C1orf87: variants seen among roughly 807,000 people sequenced by gnomAD.
C1orf87 encodes chromosome 1 open reading frame 87.
C1orf87 carries 58 observed loss-of-function variants against 60.5 expected under a neutral mutation model. That is an observed-to-expected ratio of 0.96 (90% CI 0.78 to 1.19). The LOEUF (loss-of-function observed/expected upper bound fraction) is 1.19. Ranked by LOEUF, C1orf87 falls within the 50% of genes most tolerant of loss-of-function variation. The probability of loss-of-function intolerance (pLI) is 0.00; values close to 1 mark genes in which losing one functional copy is unlikely to be tolerated. For synonymous variants in C1orf87, 236 were observed against 227.4 expected (o/e 1.04, Z -0.34); for missense variants, 673 against 638.6 (o/e 1.05, Z -0.58).
intron 8 of C1orf87, among the ~76,000 whole-genome samples, chr1:60,018,205 T>G (rs1046264227): frequency 2.0e-5 from 3 of 152,228 alleles, no homozygotes; most frequent in African/African-American, 7.2e-5. Context: ...CTTAAGGATA[T>G]AGGTTTGCAT....
chr1:60,025,467 T>A lies in C1orf87; in HGVS notation c.1061A>T (p.Tyr354Phe). 6.2e-7 allele frequency: 1 copy of A among 1,613,284 alleles called. No individual in the cohort carries two copies. The highest frequency in any genetic ancestry group is 8.5e-7 in the Non-Finnish European group (1 of 1,179,610). Residue 354 changes from tyrosine (Y) to phenylalanine (F), a missense_variant, in exon 8 of 12, where the codon TAT becomes TTT. Tyr to Phe is a conservative substitution (Grantham distance 22). Coordinates refer to ENST00000371201, the MANE Select transcript of C1orf87 (RefSeq NM_152377.3). ...VRAICGKHGL[Y>F]LTLSLLETLL... The stretch of plus-strand genomic sequence containing the variant: ...TGTTTCCAGCAGGCTCAGGGTCAGA[T>A]ATAATCCATGCTTCCCACATATAGC...
At position 60,055,217 on chromosome 1, in the gene C1orf87, A is replaced by G. The variant is rs748956386; in HGVS notation, c.329T>C (p.Phe110Ser). ...KLLTGANSSR[F>S]LDGNIPSQAN... The stretch of plus-strand genomic sequence containing the variant: ...TTTGTCACTCACATTGCCATCCAGG[A>G]ATCTGCTACTGTTTGCCCCTGTTAG... Residue 110 changes from phenylalanine to serine, a missense_variant, in exon 3 of 12, where the codon TTC (phenylalanine) becomes TCC (serine). Transcript: ENST00000371201. 3 of 1,612,910 alleles carry G rather than the reference A, an allele frequency of 1.9e-6. No homozygotes were observed. Among genetic ancestry groups the G allele is most frequent in the East Asian group, 4.5e-5 (2 of 44,886 alleles).
chr1:60,033,807 C>A (rs1645256649), intron 6 of C1orf87, among the ~76,000 whole-genome samples, 166 bp from the exon 7 acceptor site: 1 of 152,172 alleles, frequency 6.6e-6, no homozygotes, highest in African/African-American at 2.4e-5. Context: ...CGCATGCAGA[C>A]ATTTCATAGC....
intron 2 of C1orf87, among the ~76,000 whole-genome samples, chr1:60,064,185 T>C (rs1468833051): frequency 6.7e-6 from 1 of 150,092 alleles, no homozygotes; most frequent in Non-Finnish European, 1.5e-5. Context: ...CTTCACCTTG[T>C]GATGGCCTAT....
intron 7 of C1orf87, among the ~76,000 whole-genome samples, chr1:60,028,215 A>G (rs942753848): frequency 4.6e-5 from 7 of 152,220 alleles, no homozygotes; most frequent in African/African-American, 1.7e-4. Context: ...ATTAGAACAT[A>G]TTGATGTATT....
intron 6 of C1orf87, 54 bp from the exon 7 acceptor site, chr1:60,033,695 C>G: frequency 3.2e-6 from 5 of 1,556,654 alleles, no homozygotes; most frequent in Non-Finnish European, 2.6e-6. Flanking sequence ...CCCAAGGCAG[C>G]TGCATGCTTT....
chr1:60,024,965 G>A (rs942092181), intron 8 of C1orf87, among the ~76,000 whole-genome samples: 2 of 152,190 alleles, frequency 1.3e-5, no homozygotes, highest in South Asian at 4.1e-4. Context: ...ACTCCATCAA[G>A]TGATGAAATC....
chr1:60,039,774 G>T, intron 5 of C1orf87, 143 bp downstream of exon 5: 2 of 912,956 alleles, frequency 2.2e-6, no homozygotes, highest in Non-Finnish European at 3.3e-6. Context: ...TTCTACACAT[G>T]AATATAAATA....
chr1:60,067,023 A>G (rs611812), intron 2 of C1orf87, among the ~76,000 whole-genome samples: 117,759 of 152,120 alleles, frequency 0.77, 46,264 homozygotes, highest in South Asian at 0.85. Context: ...CCTTTTAATG[A>G]CTGCATAATA....
intron 2 of C1orf87, among the ~76,000 whole-genome samples, chr1:60,060,129 A>G (rs1645485507): frequency 6.8e-6 from 1 of 148,090 alleles, no homozygotes; most frequent in Non-Finnish European, 1.5e-5. Flanking sequence ...ACCATGTACT[A>G]TTATCATAGA....
intron 11 of C1orf87, among the ~76,000 whole-genome samples, chr1:59,994,277 A>T (rs928094032): frequency 1.3e-5 from 2 of 150,946 alleles, no homozygotes; most frequent in Non-Finnish European, 2.9e-5. Context: ...GATTAAAAAA[A>T]AAAATCAAGC....
intron 3 of C1orf87, among the ~76,000 whole-genome samples, chr1:60,046,211 TCTC>T (rs557997531): frequency 2.2e-3 from 302 of 139,710 alleles, no homozygotes; most frequent in African/African-American, 7.0e-3. Flanking sequence ...TCCTTCCCCT[TCTC>T]CTCCTCCTCC....
chr1:60,032,092 G>C (rs1645242240), intron 7 of C1orf87, among the ~76,000 whole-genome samples: 1 of 152,036 alleles, frequency 6.6e-6, no homozygotes, highest in Non-Finnish European at 1.5e-5. Flanking sequence ...CCTAGAATAA[G>C]AACTCATTTT....
Position 59,997,707 on chromosome 1 carries a change from T to C in C1orf87, c.1382A>G (p.Asn461Ser). The change falls in exon 11 of 12, where the codon AAT (asparagine) becomes AGT (serine). Residue 461 changes from asparagine (N) to serine (S), a missense_variant. Asn to Ser is a conservative substitution (Grantham distance 46). Coordinates refer to ENST00000371201, the MANE Select transcript of C1orf87 (RefSeq NM_152377.3). ...KIRPVSQPFV[N>S]PAVKNKAEEC... Reference sequence around the variant, plus strand: ...CTCAGCCTTGTTCTTCACAGCTGGATTCACGAAGGGCTGGGAGACTGGCCT... The same window carrying C: ...CTCAGCCTTGTTCTTCACAGCTGGACTCACGAAGGGCTGGGAGACTGGCCT... 1.2e-6 allele frequency: 2 copies of C among 1,613,976 alleles called. No individual in the cohort carries two copies. Among genetic ancestry groups the C allele is most frequent in the Non-Finnish European group, 1.7e-6 (2 of 1,179,908 alleles).
chr1:59,994,957 G>A (rs1340589982), intron 11 of C1orf87, among the ~76,000 whole-genome samples: 1 of 152,164 alleles, frequency 6.6e-6, no homozygotes, highest in Non-Finnish European at 1.5e-5. Context: ...CCTCATTAAA[G>A]ACAGTTGTAG....
At chr1:60,065,038 ATTT>A (rs1344559578) in intron 2 of C1orf87, among the ~76,000 whole-genome samples, 6 of 40,146 alleles carry the variant, frequency 1.5e-4, no homozygotes, top group Admixed American at 2.8e-4. Flanking sequence ...TAATATATAT[ATTT>A]AATAATATAT....
intron 4 of C1orf87, 103 bp from the exon 5 acceptor site, chr1:60,040,283 C>T: frequency 7.0e-7 from 1 of 1,424,932 alleles, no homozygotes; most frequent in East Asian, 2.3e-5. Context: ...TGAGTGTCCA[C>T]TCGCAGTCCT....
intron 6 of C1orf87, among the ~76,000 whole-genome samples, chr1:60,034,213 C>T (rs549927475): frequency 1.3e-5 from 2 of 152,310 alleles, no homozygotes; most frequent in African/African-American, 4.8e-5. Context: ...TACTTACAGT[C>T]TGGCATGCAA....
At chr1:60,015,093 T>C (rs1288278612) in intron 8 of C1orf87, among the ~76,000 whole-genome samples, 1 of 152,200 alleles carries the variant, frequency 6.6e-6, no homozygotes, top group Non-Finnish European at 1.5e-5. Context: ...GCTGGGGCTG[T>C]GTTACGGTCT....
Sources: gnomAD v4.1 joint callset for allele counts (sites outside exome capture counted in the v4.1 genomes callset) on GRCh38, gnomAD v4.1.1 for gene constraint, MANE v1.5 for transcripts, NCBI Gene and HGNC (gene_info 2026-07-23, HGNC 2026-07-21) for gene names.